Variants in FER observed in about 807,000 individuals in gnomAD.
FER encodes tyrosine-protein kinase Fer.
A neutral mutation model predicts 111.0 loss-of-function variants in FER; 63 were observed. The ratio of observed to expected loss-of-function variants is 0.57; its 90% CI spans 0.46 to 0.70. The LOEUF (loss-of-function observed/expected upper bound fraction) is 0.70, where lower values mean the gene tolerates loss of function less well. Among genes scored for constraint, FER ranks in the 30% least tolerant of loss-of-function variants. The pLI, the probability that FER is intolerant of heterozygous loss-of-function variation, is 0.00. For synonymous variants in FER, 327 were observed against 313.9 expected (o/e 1.04, Z -0.44); for missense variants, 914 against 954.0 (o/e 0.96, Z 0.55).
chr5:109,186,186 T>C lies in FER; in HGVS notation c.2204-14T>C, dbSNP rs1758848558. The C allele has an allele frequency of 6.2e-7, 1 of 1,613,982 alleles. No homozygotes were observed. The highest frequency in any genetic ancestry group is 8.5e-7 in the Non-Finnish European group (1 of 1,179,936). On this transcript the variant is annotated splice_polypyrimidine_tract_variant and intron_variant, in intron 18 of 19. Transcript: ENST00000281092. Reference sequence around the variant, plus strand: ...CTGTGCCTCATGTGGTTATGGTTGTTGTTCCTCTTCCAGGGAGATACAGTT... The same window carrying C: ...CTGTGCCTCATGTGGTTATGGTTGTCGTTCCTCTTCCAGGGAGATACAGTT...
intron 2 of FER, among the ~76,000 whole-genome samples, chr5:108,775,138 T>C (rs1207241013): frequency 2.0e-5 from 3 of 152,208 alleles, no homozygotes; most frequent in Non-Finnish European, 4.4e-5. Flanking sequence ...GCACCATTTA[T>C]TGACTAGGAG....
At chr5:108,778,716 CT>C (rs1753748169) in intron 2 of FER, among the ~76,000 whole-genome samples, 1 of 152,062 alleles carries the variant, frequency 6.6e-6, no homozygotes, top group African/African-American at 2.4e-5. Flanking sequence ...GATAACGGTC[CT>C]TTTTCAGAAA....
chr5:108,828,688 G>T (rs1313124739), intron 3 of FER, among the ~76,000 whole-genome samples: 1 of 152,090 alleles, frequency 6.6e-6, no homozygotes, highest in Non-Finnish European at 1.5e-5. Flanking sequence ...CAGCATCAGT[G>T]ACTTCCTACT....
intron 16 of FER, among the ~76,000 whole-genome samples, chr5:109,053,874 G>A (rs559407404): frequency 4.2e-4 from 64 of 151,778 alleles, no homozygotes; most frequent in African/African-American, 1.2e-3. Flanking sequence ...TGTATTTTTA[G>A]TACTGACGGG....
intron 13 of FER, among the ~76,000 whole-genome samples, chr5:108,976,474 C>T (rs1761357459): frequency 6.6e-6 from 1 of 151,992 alleles, no homozygotes; most frequent in South Asian, 2.1e-4. Flanking sequence ...GTTCCCTTTC[C>T]TTTAGCCACC....
At chr5:109,072,982 G>T (rs948335824) in intron 16 of FER, among the ~76,000 whole-genome samples, 1 of 152,002 alleles carries the variant, frequency 6.6e-6, no homozygotes, top group Non-Finnish European at 1.5e-5. Context: ...GTGTCTTCGT[G>T]TCTCTATATT....
chr5:108,798,847 T>C (rs1756332626), intron 3 of FER, among the ~76,000 whole-genome samples: 1 of 152,152 alleles, frequency 6.6e-6, no homozygotes, highest in Non-Finnish European at 1.5e-5. Flanking sequence ...AAAAATTCCC[T>C]AATTTTTTGT....
At chr5:109,011,272 C>T (rs1039841007) in intron 13 of FER, among the ~76,000 whole-genome samples, 3 of 151,936 alleles carry the variant, frequency 2.0e-5, no homozygotes, top group East Asian at 1.9e-4. Flanking sequence ...AAATATCAGG[C>T]TAAAAATCAG....
chr5:108,765,360 G>A (rs1752203373), intron 1 of FER, among the ~76,000 whole-genome samples: 1 of 152,046 alleles, frequency 6.6e-6, no homozygotes, highest in African/African-American at 2.4e-5. Context: ...AAAAATTATA[G>A]AAAAGACTGA....
intron 17 of FER, among the ~76,000 whole-genome samples, chr5:109,131,130 G>A (rs1190964176): frequency 6.6e-6 from 1 of 151,988 alleles, no homozygotes; most frequent in Non-Finnish European, 1.5e-5. Context: ...ACTTTTTTCT[G>A]GTAAATCATC....
intron 13 of FER, among the ~76,000 whole-genome samples, chr5:108,997,364 G>A (rs541019252): frequency 5.7e-4 from 85 of 150,026 alleles, no homozygotes; most frequent in African/African-American, 2.0e-3. Flanking sequence ...CTTGCAGTGA[G>A]CGAGAGCATG....
Position 108,796,640 on chromosome 5 carries a change from C to G in FER, c.-59-1484C>G, listed in dbSNP as rs567164015. Among the ~76,000 whole-genome samples the G allele has an allele frequency of 3.7e-4, 56 of 152,226 alleles. No individual in the cohort carries two copies. In the South Asian group the frequency reaches 5.4e-3, roughly 15 times the overall value. On this transcript the variant is annotated intron_variant, in intron 2 of 19. Transcript: ENST00000281092. Reference sequence around the variant, plus strand: ...TTTCCTCAAGTAGAAGAGCCTCTCTCCCTGGCCACCACCACCGTAGGCCCA... The same window carrying G: ...TTTCCTCAAGTAGAAGAGCCTCTCTGCCTGGCCACCACCACCGTAGGCCCA...
chr5:108,925,585 T>A (rs1228425454), intron 10 of FER, among the ~76,000 whole-genome samples: 2 of 152,150 alleles, frequency 1.3e-5, no homozygotes, highest in African/African-American at 4.8e-5. Context: ...CTCTCTTTTT[T>A]AGGCTTTCTT....
rs574186572 is a variant in FER at position 108,995,345 on chromosome 5, T to C, written c.1656+35998T>C. 3.7e-3 allele frequency among the ~76,000 whole-genome samples: 568 copies of C among 152,164 alleles called. 4 individuals carry two copies. Among genetic ancestry groups the C allele is most frequent in the African/African-American group, 0.013 (538 of 41,508 alleles). ...GGTTTGTTACATAGGTATACACGTGTCATGGTGGTTTACTGCACCCATCAA... is the reference window on the plus strand; with the variant it reads ...GGTTTGTTACATAGGTATACACGTGCCATGGTGGTTTACTGCACCCATCAA... On this transcript the variant is annotated intron_variant, in intron 13 of 19. Coordinates refer to ENST00000281092, the MANE Select transcript of FER (RefSeq NM_005246.4).
intron 13 of FER, among the ~76,000 whole-genome samples, chr5:109,024,850 T>C (rs1016664376): frequency 6.6e-6 from 1 of 151,918 alleles, no homozygotes; most frequent in Non-Finnish European, 1.5e-5. Context: ...CTAGCCAGTT[T>C]TCCCAGCACC....
At chr5:108,933,753 A>G (rs1402347203) in intron 10 of FER, among the ~76,000 whole-genome samples, 1 of 151,988 alleles carries the variant, frequency 6.6e-6, no homozygotes, top group African/African-American at 2.4e-5. Context: ...ATTTTTTTCC[A>G]TTTGTTTGTG....
At chr5:108,869,297 G>C (rs534884176) in intron 6 of FER, among the ~76,000 whole-genome samples, 2 of 152,242 alleles carry the variant, frequency 1.3e-5, no homozygotes, top group East Asian at 3.9e-4. Flanking sequence ...AATGGACCCA[G>C]ATTCACAAAG....
chr5:108,782,218 A>C (rs2149998162), intron 2 of FER, among the ~76,000 whole-genome samples: 1 of 151,718 alleles, frequency 6.6e-6, no homozygotes, highest in Admixed American at 6.6e-5. Context: ...TACTGATCCT[A>C]GAAGAGTTGT....
intron 10 of FER, among the ~76,000 whole-genome samples, chr5:108,935,547 G>A (rs1484764101): frequency 6.6e-6 from 1 of 151,994 alleles, no homozygotes. Context: ...AGTGGGGTGC[G>A]GGGAGGTGGT....
Sources: gnomAD v4.1 joint callset for allele counts (sites outside exome capture counted in the v4.1 genomes callset) on GRCh38, gnomAD v4.1.1 for gene constraint, MANE v1.5 for transcripts, NCBI Gene and HGNC (gene_info 2026-07-23, HGNC 2026-07-21) for gene names.